Variants in BCR observed in about 807,000 individuals in gnomAD.
BCR encodes the protein BCR activator of RhoGEF and GTPase.
Under a neutral mutation model 138.6 loss-of-function variants are expected in BCR, and 58 were observed. That is an observed-to-expected ratio of 0.42 (90% CI 0.34 to 0.52). BCR has a LOEUF of 0.52. BCR is among the 20% of genes least tolerant of loss of function. BCR has a pLI of 0.06. For synonymous variants in BCR, 786 were observed against 730.1 expected, an observed-to-expected ratio of 1.08 and a Z score of -1.23; for missense variants, 1,599 against 1,727.2, an observed-to-expected ratio of 0.93 and a Z score of 1.32.
intron 4 of BCR, chr22:23,263,140 C>A: frequency 1.4e-6 from 1 of 719,140 alleles, no homozygotes; most frequent in Non-Finnish European, 2.2e-6. Context: ...GCGGCCATGG[C>A]GGCGGCAGCC....
intron 1 of BCR, among the ~76,000 whole-genome samples, chr22:23,247,968 G>C (rs552673027): frequency 6.6e-6 from 1 of 152,318 alleles, no homozygotes; most frequent in South Asian, 2.1e-4. Context: ...TTCTGTCAGT[G>C]GACATTGGGT....
intron 4 of BCR, chr22:23,263,266 G>C (rs1358641521): frequency 1.4e-5 from 15 of 1,095,580 alleles, no homozygotes; most frequent in Non-Finnish European, 2.0e-5. Flanking sequence ...CTCGACATGC[G>C]GGCCCTCGGC....
intron 1 of BCR, chr22:23,251,240 G>C (rs2146265084): frequency 6.6e-6 from 1 of 152,342 alleles, no homozygotes; most frequent in South Asian, 2.1e-4. Flanking sequence ...CAGTGCTGCA[G>C]GTCAGCAGCC....
At chr22:23,253,670 C>A in intron 1 of BCR, 129 bp from the exon 2 acceptor site, 1 of 1,070,920 alleles carries the variant, frequency 9.3e-7, no homozygotes. Context: ...GGGACGTCAG[C>A]ATACCCGAGG....
chr22:23,297,691 G>T (rs906729817), intron 16 of BCR, among the ~76,000 whole-genome samples: 1 of 152,102 alleles, frequency 6.6e-6, no homozygotes, highest in African/African-American at 2.4e-5. Context: ...CATCAAACCA[G>T]GTAAAGGGAG....
intron 17 of BCR, chr22:23,309,789 T>A: frequency 4.4e-6 from 2 of 456,272 alleles, no homozygotes; most frequent in Non-Finnish European, 4.0e-6. Context: ...AGACCCCTGA[T>A]TTGTCTTTAG....
Position 23,259,284 on chromosome 22 carries a change from G to A in BCR, c.1462-1666G>A, listed in dbSNP as rs978881589. On this transcript the variant is annotated intron_variant, in intron 2 of 22. Coordinates refer to ENST00000305877, the MANE Select transcript of BCR (RefSeq NM_004327.4). Reference sequence around the variant, plus strand: ...GGGTGGGCAGGGTTGGTTTCTTCTCGGGCCCCTCTCCTGGGCTTGTCTTCT... The same window carrying A: ...GGGTGGGCAGGGTTGGTTTCTTCTCAGGCCCCTCTCCTGGGCTTGTCTTCT... Among the ~76,000 whole-genome samples, 4 of 152,120 alleles carry A rather than the reference G, an allele frequency of 2.6e-5. No homozygotes were observed. The East Asian group carries it at 5.8e-4, about 22-fold the overall frequency.
chr22:23,289,406 C>T, intron 12 of BCR, 111 bp from the exon 13 acceptor site: 1 of 859,732 alleles, frequency 1.2e-6, no homozygotes. Flanking sequence ...GCCCTGGCAC[C>T]AGTTCTTGCC....
At chr22:23,225,325 T>C (rs563923803) in intron 1 of BCR, among the ~76,000 whole-genome samples, 1 of 152,348 alleles carries the variant, frequency 6.6e-6, no homozygotes, top group East Asian at 1.9e-4. Flanking sequence ...ATTTCCTCTC[T>C]GTCCCCATCT....
intron 4 of BCR, chr22:23,264,623 T>C: frequency 3.3e-6 from 1 of 299,290 alleles, no homozygotes; most frequent in Admixed American, 4.7e-5. Context: ...CCTGCGACTC[T>C]GTTTGGCCAG....
At chr22:23,254,626 C>T (rs1046461789) in intron 2 of BCR, 25 of 517,834 alleles carry the variant, frequency 4.8e-5, no homozygotes, top group Non-Finnish European at 7.3e-5. Flanking sequence ...GGTGCTGGAC[C>T]GCCCGGCCCT....
intron 1 of BCR, among the ~76,000 whole-genome samples, chr22:23,246,679 C>T (rs1275199027): frequency 6.6e-6 from 1 of 152,166 alleles, no homozygotes; most frequent in Non-Finnish European, 1.5e-5. Context: ...AAAGTTCATG[C>T]CCACTCAGGT....
intron 16 of BCR, among the ~76,000 whole-genome samples, chr22:23,300,157 C>T (rs943647045): frequency 2.6e-5 from 4 of 152,146 alleles, no homozygotes; most frequent in African/African-American, 9.7e-5. Context: ...TGAAACTCTA[C>T]ACCCATTAAA....
intron 1 of BCR, among the ~76,000 whole-genome samples, chr22:23,231,157 G>C (rs1180793105): frequency 1.3e-5 from 2 of 152,172 alleles, no homozygotes; most frequent in African/African-American, 4.8e-5. Context: ...GGAAAGAAGG[G>C]ATTTTGTTTT....
At chr22:23,289,765 C>T (rs2073763061) in intron 13 of BCR, 144 bp downstream of exon 13, 2 of 724,498 alleles carry the variant, frequency 2.8e-6, no homozygotes, top group Non-Finnish European at 2.4e-6. Context: ...GTTAGGGCCT[C>T]TTGTCTCCTC....
At chr22:23,314,848 G>T in intron 22 of BCR, 134 bp downstream of exon 22, 4 of 1,186,550 alleles carry the variant, frequency 3.4e-6, no homozygotes, top group Non-Finnish European at 4.9e-6. Context: ...AGAGGGACTT[G>T]CCTAGGTCTG....
intron 1 of BCR, among the ~76,000 whole-genome samples, chr22:23,226,234 G>A (rs183083202): frequency 2.2e-4 from 33 of 152,258 alleles, no homozygotes; most frequent in African/African-American, 7.9e-4. Flanking sequence ...GCTGTTGTGA[G>A]CTTTCCCGTC....
At chr22:23,299,931 A>G (rs1234260551) in intron 16 of BCR, among the ~76,000 whole-genome samples, 1 of 151,656 alleles carries the variant, frequency 6.6e-6, no homozygotes, top group Non-Finnish European at 1.5e-5. Context: ...CAGAGTTTGG[A>G]CTCCCACGTG....
intron 1 of BCR, among the ~76,000 whole-genome samples, chr22:23,207,595 C>T (rs951079118): frequency 6.6e-6 from 1 of 152,116 alleles, no homozygotes; most frequent in Non-Finnish European, 1.5e-5. Flanking sequence ...TGCACTCTAG[C>T]CTGGGCGACA....
Sources: gnomAD v4.1 joint callset for allele counts (sites outside exome capture counted in the v4.1 genomes callset) on GRCh38, gnomAD v4.1.1 for gene constraint, MANE v1.5 for transcripts, NCBI Gene and HGNC (gene_info 2026-07-23, HGNC 2026-07-21) for gene names.